RCN2: variants seen among roughly 807,000 people sequenced by gnomAD.
The protein encoded by RCN2 is reticulocalbin 2, also known as reticulocalbin-2.
Under a neutral mutation model 37.5 loss-of-function variants are expected in RCN2, and 23 were observed. The observed-to-expected ratio is 0.61, with a 90% confidence interval of 0.44 to 0.87. The LOEUF is 0.87. RCN2 is among the 40% of genes least tolerant of loss of function. The pLI, the probability that RCN2 is intolerant of heterozygous loss-of-function variation, is 0.00. For synonymous variants in RCN2, 140 were observed against 144.6 expected (o/e 0.97, Z 0.23); for missense variants, 381 against 390.4 (o/e 0.98, Z 0.20).
intron 4 of RCN2, among the ~76,000 whole-genome samples, chr15:76,944,923 C>T (rs917662657): frequency 2.6e-5 from 4 of 152,106 alleles, no homozygotes; most frequent in African/African-American, 9.7e-5. Flanking sequence ...CATATGGTAG[C>T]TCTATTTTTA....
At chr15:76,934,711 A>G (rs187609806) in intron 2 of RCN2, among the ~76,000 whole-genome samples, 1 of 152,230 alleles carries the variant, frequency 6.6e-6, no homozygotes, top group East Asian at 1.9e-4. Context: ...TTTTAATTCA[A>G]CTCACATAAA....
intron 5 of RCN2, chr15:76,947,805 A>G (rs113187517): frequency 3.3e-6 from 1 of 306,636 alleles, no homozygotes; most frequent in African/African-American, 2.2e-5. Flanking sequence ...TAAGGTAGAT[A>G]TTTTTAAACA....
At chr15:76,936,756 G>A (rs535240569) in intron 3 of RCN2, among the ~76,000 whole-genome samples, 1 of 152,178 alleles carries the variant, frequency 6.6e-6, no homozygotes, top group Non-Finnish European at 1.5e-5. Context: ...TGATAGGGAG[G>A]TCTTGGAACC....
At chr15:76,935,819 G>A (rs2075244986) in intron 3 of RCN2, 97 bp downstream of exon 3, 2 of 858,946 alleles carry the variant, frequency 2.3e-6, no homozygotes, top group East Asian at 2.7e-5. Context: ...TCATAAGCTG[G>A]ATTGTCTTGT....
chr15:76,952,260 C>T lies in RCN2; in HGVS notation c.*3038C>T, dbSNP rs574585926. 34 of 152,242 alleles carry T rather than the reference C, an allele frequency of 2.2e-4. No individual in the cohort carries two copies. The highest frequency in any genetic ancestry group is 7.7e-4 in the African/African-American group (32 of 41,550). The allele number at this position is 152,242 out of a possible 1,614,324, so 9.4% of individuals were successfully genotyped here. ...ACATTAGGGTTCACTCTTGGTGCTG[C>T]ACATGCTCTGGGTTTGGACAAATGT... is the stretch of plus-strand genomic sequence containing the variant. On this transcript the variant is annotated 3_prime_UTR_variant, in exon 7 of 7. Transcript: ENST00000394885.
chr15:76,939,251 TAA>T (rs2075267062), intron 3 of RCN2, among the ~76,000 whole-genome samples: 1 of 149,940 alleles, frequency 6.7e-6, no homozygotes, highest in South Asian at 2.1e-4. Flanking sequence ...AATAAATAAA[TAA>T]ATAAATAAAT....
At chr15:76,933,792 C>T (rs1292116297) in intron 2 of RCN2, among the ~76,000 whole-genome samples, 1 of 152,090 alleles carries the variant, frequency 6.6e-6, no homozygotes, top group East Asian at 1.9e-4. Context: ...TTACGAAAGC[C>T]TTCATTCTAC....
chr15:76,948,734 GAT>G, intron 6 of RCN2, 182 bp downstream of exon 6: 4 of 575,820 alleles, frequency 6.9e-6, no homozygotes, highest in South Asian at 3.1e-5. Context: ...AGGAAGTTAA[GAT>G]TGTGTCATGT....
chr15:76,938,669 G>A, intron 3 of RCN2: 1 of 445,710 alleles, frequency 2.2e-6, no homozygotes, highest in Non-Finnish European at 4.6e-6. Context: ...TTGGCCGCTT[G>A]AACTCTGTAA....
chr15:76,946,177 C>G (rs1166501519), intron 4 of RCN2, among the ~76,000 whole-genome samples: 1 of 152,172 alleles, frequency 6.6e-6, no homozygotes, highest in East Asian at 1.9e-4. Context: ...AGAGATGGGC[C>G]AGGCATGGTG....
chr15:76,932,125 G>A, intron 1 of RCN2, 140 bp downstream of exon 1: 1 of 857,962 alleles, frequency 1.2e-6, no homozygotes, highest in Non-Finnish European at 1.6e-6. Flanking sequence ...CGCGGCACTC[G>A]CTCTCTGGGG....
At chr15:76,941,805 T>A (rs141442405) in intron 3 of RCN2, 1 of 542,216 alleles carries the variant, frequency 1.8e-6, no homozygotes, top group Non-Finnish European at 3.1e-6. Context: ...AAGAGATCCT[T>A]TCTTTCCATA....
At chr15:76,940,039 A>G (rs796947396) in intron 3 of RCN2, among the ~76,000 whole-genome samples, 50 of 152,294 alleles carry the variant, frequency 3.3e-4, no homozygotes, top group African/African-American at 1.2e-3. Context: ...GATGAATTAG[A>G]TGAATCTTAA....
chr15:76,942,720 T>G (rs866598726), intron 3 of RCN2: 38 of 152,356 alleles, frequency 2.5e-4, no homozygotes, highest in African/African-American at 8.2e-4. Context: ...GGCAGGTGGA[T>G]AGCCTGAGCT....
At chr15:76,940,361 A>G (rs2075271765) in intron 3 of RCN2, among the ~76,000 whole-genome samples, 1 of 152,044 alleles carries the variant, frequency 6.6e-6, no homozygotes, top group African/African-American at 2.4e-5. Flanking sequence ...CCCAGAAACC[A>G]TATGCATTAT....
chr15:76,948,639 C>A, intron 6 of RCN2, 87 bp downstream of exon 6: 2 of 1,309,734 alleles, frequency 1.5e-6, no homozygotes, highest in South Asian at 3.5e-5. Context: ...AAATCTTAAG[C>A]CAAAGAAAGA....
chr15:76,938,869 T>C (rs1280581369), intron 3 of RCN2: 2 of 436,206 alleles, frequency 4.6e-6, no homozygotes, highest in African/African-American at 4.0e-5. Flanking sequence ...AAAATGAGGA[T>C]AATAATTCCC....
intron 2 of RCN2, among the ~76,000 whole-genome samples, chr15:76,934,823 T>C (rs1218626621): frequency 1.3e-5 from 2 of 152,228 alleles, no homozygotes; most frequent in African/African-American, 4.8e-5. Context: ...TTATGCTTCC[T>C]GAGAGATCTG....
At position 76,943,898 on chromosome 15, in the gene RCN2, T is replaced by C. The variant is rs530382435; in HGVS notation, c.561+27T>C. 4 of 1,330,952 alleles carry C rather than the reference T, an allele frequency of 3.0e-6. No homozygotes were observed. The East Asian group carries it at 9.3e-5, about 31-fold the overall frequency. The allele number at this position is 1,330,952 out of a possible 1,614,324, so 82.4% of individuals were successfully genotyped here. On this transcript the variant is annotated intron_variant, in intron 4 of 6. Transcript: ENST00000394885. ...TAAGAAAGAAACATTTTTAAGAGAATTATTGAGTGACCAAAACTTTAAAAA... is the reference window on the plus strand; with the variant it reads ...TAAGAAAGAAACATTTTTAAGAGAACTATTGAGTGACCAAAACTTTAAAAA...
Sources: allele counts gnomAD v4.1 joint callset (sites outside exome capture counted in the v4.1 genomes callset), GRCh38; gene constraint gnomAD v4.1.1; transcripts MANE v1.5; gene names NCBI Gene and HGNC (gene_info 2026-07-23, HGNC 2026-07-21).